ZNF581: variants seen among roughly 807,000 people sequenced by gnomAD.
The protein encoded by ZNF581 is zinc finger protein 581.
Under a neutral mutation model 1.2 loss-of-function variants are expected in ZNF581, and 1 was observed. The ratio of observed to expected loss-of-function variants is 0.83; its 90% CI spans 0.30 to 3.95. The LOEUF (loss-of-function observed/expected upper bound fraction) is 3.95, where lower values mean the gene tolerates loss of function less well. Ranked by LOEUF, ZNF581 falls within the 30% of genes most tolerant of loss-of-function variation. The pLI is 0.18. For missense variants in ZNF581, 273 were observed against 274.6 expected (o/e 0.99, Z 0.04); for synonymous variants, 105 against 109.2 (o/e 0.96, Z 0.24).
chr19:55,639,258 A>G (rs540591658), upstream of ZNF581, among the ~76,000 whole-genome samples: 16 of 152,214 alleles, frequency 1.1e-4, no homozygotes, highest in East Asian at 2.9e-3. Flanking sequence ...TCAACACTCT[A>G]CAGTGCACAG....
chr19:55,644,578 G>A lies in ZNF581; in HGVS notation c.7G>A (p.Val3Met), dbSNP rs1322545475. 6.3e-7 allele frequency: 1 copy of A among 1,592,134 alleles called. No individual in the cohort carries two copies. Among genetic ancestry groups the A allele is most frequent in the African/African-American group, 1.3e-5 (1 of 74,500 alleles). ML[V>M]LPSPCPQPLA... is the part of the protein sequence containing the mutation. The stretch of plus-strand genomic sequence containing the variant: ...GCCTCAGCCAGCCCTCCGGATGCTG[G>A]TGCTGCCATCCCCCTGCCCTCAGCC... Residue 3 changes from valine to methionine, a missense_variant, in exon 2 of 2, where the codon GTG becomes ATG. Transcript: ENST00000270451. The surrounding 1 kb of genome is among the most constrained non-coding windows in gnomAD (Gnocchi z 4.3).
At chr19:55,642,568 C>A, upstream of ZNF581, 2 of 1,454,306 alleles carry the variant, frequency 1.4e-6, no homozygotes, top group South Asian at 3.0e-5. Context: ...AGGCCATGGA[C>A]CCACCGCCCC....
Position 55,643,721 on chromosome 19 carries a change from A to C in ZNF581, c.-73A>C, listed in dbSNP as rs978411427. On this transcript the variant is annotated 5_prime_UTR_variant, in exon 1 of 2. Transcript: ENST00000270451. ...CTTCTCGCCGCCGCCTGCAACTGCG[A>C]GGGTAGCCCGGGGCCGCTTGGAGTC... 1.3e-5 allele frequency: 2 copies of C among 149,830 alleles called. No homozygotes were observed. Among genetic ancestry groups the C allele is most frequent in the South Asian group, 2.2e-4 (1 of 4,630 alleles). 9.3% of individuals were successfully genotyped at this position (149,830 alleles called of 1,614,324 possible). A position where few individuals can be genotyped will look rare whatever the true frequency, so the allele number is the denominator to read the frequency against.
upstream of ZNF581, chr19:55,642,331 G>A (rs1982555751): frequency 1.7e-5 from 22 of 1,264,356 alleles, no homozygotes; most frequent in Non-Finnish European, 2.1e-5. Flanking sequence ...CAGCTTGATG[G>A]AACGTGGGAG....
upstream of ZNF581, chr19:55,641,332 G>A: frequency 6.1e-6 from 3 of 488,368 alleles, no homozygotes; most frequent in Non-Finnish European, 8.0e-6. Context: ...AAGTCGAGGC[G>A]CCAGGGCTCC....
chr19:55,639,421 G>A (rs1471222790), upstream of ZNF581, among the ~76,000 whole-genome samples: 1 of 152,152 alleles, frequency 6.6e-6, no homozygotes, highest in African/African-American at 2.4e-5. Context: ...GCACTCCAGC[G>A]TGGGCGACAG....
upstream of ZNF581, among the ~76,000 whole-genome samples, chr19:55,637,412 C>G (rs1015067933): frequency 6.6e-6 from 1 of 152,150 alleles, no homozygotes; most frequent in Non-Finnish European, 1.5e-5. Context: ...TGGTGCGCGC[C>G]TGTAATCCCA....
chr19:55,641,002 G>C, upstream of ZNF581: 2 of 985,348 alleles, frequency 2.0e-6, no homozygotes, highest in Non-Finnish European at 2.4e-6. Context: ...TCCGGCCGGC[G>C]CCTTTTCCCA....
chr19:55,642,044 G>C (rs971654226), upstream of ZNF581: 2 of 985,812 alleles, frequency 2.0e-6, no homozygotes, highest in Non-Finnish European at 2.4e-6. Flanking sequence ...GCGGCAAAGG[G>C]AGGGGAAGTA....
At chr19:55,640,206 C>G (rs995707855), upstream of ZNF581, 12 of 985,346 alleles carry the variant, frequency 1.2e-5, no homozygotes, top group South Asian at 4.7e-4. Context: ...GCAGCTGCCC[C>G]GAGTGCTGCC....
chr19:55,642,773 C>T, upstream of ZNF581: 4 of 1,548,386 alleles, frequency 2.6e-6, no homozygotes, highest in Non-Finnish European at 1.7e-6. Flanking sequence ...GCCCGGCCCT[C>T]GCAAGGGCTA....
At chr19:55,642,949 G>T, upstream of ZNF581, 3 of 1,435,366 alleles carry the variant, frequency 2.1e-6, no homozygotes, top group Non-Finnish European at 2.7e-6. Context: ...CCCGCGCCGG[G>T]CCGCCGCACA....
chr19:55,640,106 CT>C, upstream of ZNF581: 1 of 985,100 alleles, frequency 1.0e-6, no homozygotes, highest in Non-Finnish European at 1.2e-6. Flanking sequence ...AGTTACTCCT[CT>C]TCTGTCCCCC....
At chr19:55,639,991 G>A (rs1982347121), upstream of ZNF581, 1 of 269,766 alleles carries the variant, frequency 3.7e-6, no homozygotes, top group African/African-American at 2.3e-5. Flanking sequence ...AGAGTCCCAC[G>A]TGGCTAGTGA....
chr19:55,644,580 G>T lies in ZNF581; in HGVS notation c.9G>T (p.Val3=). ...CTCAGCCAGCCCTCCGGATGCTGGT[G>T]CTGCCATCCCCCTGCCCTCAGCCTC... is the stretch of plus-strand genomic sequence containing the variant. ML[V]LPSPCPQPLA... The change falls in exon 2 of 2, where the codon GTG becomes GTT. Residue 3 remains valine (V), a synonymous_variant. Coordinates refer to ENST00000270451, the MANE Select transcript of ZNF581 (RefSeq NM_016535.4). The surrounding 1 kb of genome is among the most constrained non-coding windows in gnomAD (Gnocchi z 4.3). 6.3e-7 allele frequency: 1 copy of T among 1,592,842 alleles called. No individual in the cohort carries two copies. The highest frequency in any genetic ancestry group is 2.3e-5 in the East Asian group (1 of 44,216).
chr19:55,640,892 C>A, upstream of ZNF581: 1 of 985,180 alleles, frequency 1.0e-6, no homozygotes, highest in Non-Finnish European at 1.2e-6. Context: ...CTTCAGTGGA[C>A]CCCACGCCTC....
upstream of ZNF581, chr19:55,643,316 T>C (rs1982651066): frequency 2.6e-6 from 1 of 389,206 alleles, no homozygotes; most frequent in East Asian, 4.1e-5. Flanking sequence ...ATGACCTCTC[T>C]AAACCTTGGT....
chr19:55,639,806 G>A (rs1982333174), upstream of ZNF581, among the ~76,000 whole-genome samples: 1 of 152,138 alleles, frequency 6.6e-6, no homozygotes, highest in African/African-American at 2.4e-5. Context: ...TAGTAGAGAA[G>A]GAGTTTCACC....
chr19:55,635,722 G>C (rs1015395638), intron 1 of ZNF581: 1 of 988,080 alleles, frequency 1.0e-6, no homozygotes, highest in Non-Finnish European at 1.2e-6. Context: ...GGTTGGGTGA[G>C]GGCAAGGGTG....
Sources: gnomAD v4.1 joint callset for allele counts (sites outside exome capture counted in the v4.1 genomes callset) on GRCh38, gnomAD v4.1.1 for gene constraint, Gnocchi (gnomAD v3.1) non-coding constraint, MANE v1.5 for transcripts, NCBI Gene and HGNC (gene_info 2026-07-23, HGNC 2026-07-21) for gene names.